Variants in CA5A observed in about 807,000 individuals in gnomAD.
The protein encoded by CA5A is carbonic anhydrase 5A, also known as carbonic anhydrase 5A, mitochondrial.
In CA5A, 28 loss-of-function variants were observed where a neutral mutation model predicts 37.1. That is an observed-to-expected ratio of 0.75 (90% CI 0.56 to 1.03). The LOEUF (loss-of-function observed/expected upper bound fraction) is 1.03. CA5A is among the 50% of genes least tolerant of loss of function. The pLI is 0.00. For synonymous variants in CA5A, 171 were observed against 158.4 expected (o/e 1.08, Z -0.60); for missense variants, 444 against 399.9 (o/e 1.11, Z -0.94).
At chr16:87,893,304 T>C in intron 5 of CA5A, 1 of 357,036 alleles carries the variant, frequency 2.8e-6, no homozygotes, top group South Asian at 2.9e-5. Flanking sequence ...ATTTTTTATA[T>C]TTTTAGTAGA....
chr16:87,891,467 C>CAA lies in CA5A; in HGVS notation c.774+330_774+331dup, dbSNP rs372043586. ...TGGGCGATAGAACGAGACTCTGTCT[C>CAA]AAAAAAAAAAAAGGAAAGAAAAGAA... On this transcript the variant is annotated intron_variant, in intron 6 of 6. Transcript: ENST00000649794. Among the ~76,000 whole-genome samples the CAA allele has an allele frequency of 3.8e-3, 478 of 124,768 alleles. 3 individuals carry two copies. The highest frequency in any genetic ancestry group is 0.013 in the African/African-American group (432 of 33,400). 81.9% of individuals were successfully genotyped at this position (124,768 alleles called of 152,430 possible).
intron 1 of CA5A, among the ~76,000 whole-genome samples, chr16:87,932,762 C>T (rs1182284256): frequency 6.6e-6 from 1 of 152,168 alleles, no homozygotes; most frequent in Non-Finnish European, 1.5e-5. Flanking sequence ...TGGAAGGAGA[C>T]CCCATCTCCC....
At chr16:87,916,180 AAC>A (rs1491173858) in intron 2 of CA5A, among the ~76,000 whole-genome samples, 34 of 142,622 alleles carry the variant, frequency 2.4e-4, no homozygotes, top group African/African-American at 7.6e-4. Context: ...AAAAAAAAAA[AAC>A]AAAAAACCAT....
chr16:87,928,664 T>C (rs1395121257), intron 1 of CA5A, among the ~76,000 whole-genome samples: 1 of 151,980 alleles, frequency 6.6e-6, no homozygotes, highest in African/African-American at 2.4e-5. Context: ...TTGGTGATGA[T>C]ATTTAGGTTA....
intron 5 of CA5A, among the ~76,000 whole-genome samples, chr16:87,898,104 G>T (rs1277982841): frequency 6.6e-6 from 1 of 152,306 alleles, no homozygotes; most frequent in South Asian, 2.1e-4. Flanking sequence ...GGGAGTGACC[G>T]TGGCAGGCAT....
chr16:87,923,479 C>G lies in CA5A; in HGVS notation c.340+3269G>C, dbSNP rs892315732. The G allele has an allele frequency of 6.6e-6, 6 of 912,266 alleles. No individual in the cohort carries two copies. In the African/African-American group the frequency reaches 1.1e-4, roughly 16 times the overall value. 56.5% of individuals were successfully genotyped at this position (912,266 alleles called of 1,614,324 possible). A position where few individuals can be genotyped will look rare whatever the true frequency, so the allele number is the denominator to read the frequency against. ...CTGGGATTATAAGCATGAGCCAGCTCGCCCAGCCTGGCAGTGCTTTTAAAG... is the reference window on the plus strand; with the variant it reads ...CTGGGATTATAAGCATGAGCCAGCTGGCCCAGCCTGGCAGTGCTTTTAAAG... On this transcript the variant is annotated intron_variant, in intron 2 of 6. Coordinates refer to ENST00000649794, the MANE Select transcript of CA5A (RefSeq NM_001739.2).
At chr16:87,907,329 G>A (rs913046832) in intron 2 of CA5A, among the ~76,000 whole-genome samples, 4 of 152,124 alleles carry the variant, frequency 2.6e-5, no homozygotes, top group African/African-American at 4.8e-5. Context: ...CTTCTGCCTC[G>A]GCCTGTGTCT....
intron 2 of CA5A, among the ~76,000 whole-genome samples, chr16:87,908,705 G>A (rs2056001690): frequency 6.6e-6 from 1 of 152,218 alleles, no homozygotes; most frequent in African/African-American, 2.4e-5. Context: ...TGCTAACTCT[G>A]GGGCTGGAAG....
chr16:87,927,671 A>G (rs2056331217), intron 1 of CA5A, among the ~76,000 whole-genome samples: 1 of 151,552 alleles, frequency 6.6e-6, no homozygotes, highest in Admixed American at 6.6e-5. Flanking sequence ...GACCAGCCTG[A>G]CCAACATGGC....
At chr16:87,923,089 C>T (rs75112276) in intron 2 of CA5A, among the ~76,000 whole-genome samples, 2 of 152,190 alleles carry the variant, frequency 1.3e-5, no homozygotes, top group Non-Finnish European at 2.9e-5. Flanking sequence ...CCTTGGCAGT[C>T]GCCCCTTCTC....
At chr16:87,895,273 C>T (rs576841405) in intron 5 of CA5A, among the ~76,000 whole-genome samples, 4 of 152,022 alleles carry the variant, frequency 2.6e-5, no homozygotes, top group African/African-American at 7.2e-5. Context: ...AGGCTGGGCA[C>T]GGTGGCTCAC....
chr16:87,917,480 A>G (rs1324763645), intron 2 of CA5A, among the ~76,000 whole-genome samples: 2 of 152,232 alleles, frequency 1.3e-5, no homozygotes, highest in Non-Finnish European at 2.9e-5. Context: ...AAATATCTGT[A>G]GAGAGAGAGG....
chr16:87,928,474 C>A (rs916250986), intron 1 of CA5A, among the ~76,000 whole-genome samples: 7 of 152,142 alleles, frequency 4.6e-5, no homozygotes, highest in Admixed American at 1.3e-4. Context: ...TACCACCACA[C>A]CCGGCCAGGA....
Position 87,911,817 on chromosome 16 carries a change from G to GTT in CA5A, c.341-6915_341-6914dup, listed in dbSNP as rs1300814175. On this transcript the variant is annotated intron_variant, in intron 2 of 6. Transcript: ENST00000649794. The surrounding 1 kb of genome is among the most constrained non-coding windows in gnomAD (Gnocchi z 4.6). ...TTCACACGGTGGGGCTTTGCAAGTT[G>GTT]TTTTATAGGTCTGTGGCCCAGACTA... is the stretch of plus-strand genomic sequence containing the variant. 6.6e-6 allele frequency among the ~76,000 whole-genome samples: 1 copy of GTT among 152,172 alleles called. No individual in the cohort carries two copies. The highest frequency in any genetic ancestry group is 2.4e-5 in the African/African-American group (1 of 41,412).
At chr16:87,932,653 G>A (rs2056423147) in intron 1 of CA5A, among the ~76,000 whole-genome samples, 1 of 151,924 alleles carries the variant, frequency 6.6e-6, no homozygotes. Flanking sequence ...GCTCCTATGG[G>A]TCAAGCCCTG....
rs2055662571 is a variant in CA5A, at chr16:87,888,025, C to T, written c.*104G>A. ...TCGACTAAAACAATAACCTCATGCT[C>T]TCTTTTTAATTTCAGAAGTCATGTA... On this transcript the variant is annotated 3_prime_UTR_variant, in exon 7 of 7. Transcript: ENST00000649794. 6.8e-7 allele frequency: 1 copy of T among 1,476,728 alleles called. No homozygotes were observed. Among genetic ancestry groups the T allele is most frequent in the African/African-American group, 1.4e-5 (1 of 71,046 alleles). The allele number at this position is 1,476,728 out of a possible 1,614,324, so 91.5% of individuals were successfully genotyped here. A position where few individuals can be genotyped will look rare whatever the true frequency, so the allele number is the denominator to read the frequency against.
intron 6 of CA5A, 119 bp downstream of exon 6, chr16:87,891,680 A>C (rs185991246): frequency 2.2e-6 from 2 of 929,962 alleles, no homozygotes; most frequent in South Asian, 2.3e-5. Context: ...GAATGCCCCA[A>C]ATGCATGAAA....
At chr16:87,888,975 A>C (rs2055676166) in intron 6 of CA5A, among the ~76,000 whole-genome samples, 1 of 148,510 alleles carries the variant, frequency 6.7e-6, no homozygotes, top group South Asian at 2.1e-4. Context: ...ACTGGAGTGC[A>C]ATGGTGTGAT....
chr16:87,926,650 C>T (rs1266783678), intron 2 of CA5A, 98 bp downstream of exon 2: 2 of 923,800 alleles, frequency 2.2e-6, no homozygotes, highest in Non-Finnish European at 3.4e-6. Flanking sequence ...AGGAAAGCAG[C>T]ACCTTCCTGC....
Sources: gnomAD v4.1 joint callset for allele counts (sites outside exome capture counted in the v4.1 genomes callset) on GRCh38, gnomAD v4.1.1 for gene constraint, Gnocchi (gnomAD v3.1) non-coding constraint, MANE v1.5 for transcripts, NCBI Gene and HGNC (gene_info 2026-07-23, HGNC 2026-07-21) for gene names.